Variants in NSG2 observed in about 807,000 individuals in gnomAD.
NSG2 encodes neuronal vesicle trafficking-associated protein 2.
NSG2 carries 4 observed loss-of-function variants against 16.9 expected under a neutral mutation model. That is an observed-to-expected ratio of 0.24 (90% CI 0.12 to 0.54). The LOEUF is 0.54. Ranked by LOEUF, NSG2 falls within the 20% of genes least tolerant of loss-of-function variation. The probability of loss-of-function intolerance (pLI) is 0.95; values close to 1 mark genes in which losing one functional copy is unlikely to be tolerated. For missense variants in NSG2, 179 were observed against 221.1 expected, an observed-to-expected ratio of 0.81 and a Z score of 1.21; for synonymous variants, 98 against 88.7, an observed-to-expected ratio of 1.11 and a Z score of -0.59.
At chr5:174,049,809 A>G (rs1359262456) in intron 2 of NSG2, among the ~76,000 whole-genome samples, 5 of 152,190 alleles carry the variant, frequency 3.3e-5, no homozygotes, top group African/African-American at 1.2e-4. Flanking sequence ...GCTAATATTT[A>G]GATTTTAGAA....
At chr5:174,066,524 T>G (rs1015442106) in intron 3 of NSG2, among the ~76,000 whole-genome samples, 5 of 152,248 alleles carry the variant, frequency 3.3e-5, no homozygotes, top group African/African-American at 1.2e-4. Context: ...CTTTACAGTT[T>G]CTTAAGAATT....
intron 3 of NSG2, among the ~76,000 whole-genome samples, chr5:174,103,054 G>A (rs1329368554): frequency 6.6e-6 from 1 of 150,524 alleles, no homozygotes; most frequent in African/African-American, 2.5e-5. Context: ...CTCCCAAAGT[G>A]CTGAGATTAC....
chr5:174,047,530 T>G (rs542246997), intron 2 of NSG2, among the ~76,000 whole-genome samples: 1 of 152,216 alleles, frequency 6.6e-6, no homozygotes, highest in East Asian at 1.9e-4. Flanking sequence ...TAAAGGTGAG[T>G]AAAAACCCTT....
intron 1 of NSG2, chr5:174,046,238 CAG>C (rs1409508877): frequency 2.0e-5 from 3 of 152,652 alleles, no homozygotes; most frequent in African/African-American, 4.9e-5. Flanking sequence ...TATGATGTAA[CAG>C]GGTACACATT....
intron 2 of NSG2, 65 bp from the exon 3 acceptor site, chr5:174,064,167 G>GA (rs910140258): frequency 9.3e-5 from 109 of 1,175,064 alleles, no homozygotes; most frequent in Non-Finnish European, 1.0e-4. Context: ...TCTGGTTACT[G>GA]AAAAAAAAGA....
chr5:174,062,500 A>ACCCC (rs1032296454), intron 2 of NSG2: 1 of 151,788 alleles, frequency 6.6e-6, no homozygotes, highest in Non-Finnish European at 1.5e-5. Context: ...TTCTGCCCCC[A>ACCCC]CCCCCTGTAA....
At chr5:174,076,010 T>A (rs1001359566) in intron 3 of NSG2, among the ~76,000 whole-genome samples, 2 of 152,252 alleles carry the variant, frequency 1.3e-5, no homozygotes, top group African/African-American at 2.4e-5. Context: ...ATTCTAATTC[T>A]TGACAACCTG....
At chr5:174,081,636 C>G (rs554546474) in intron 3 of NSG2, 35 of 151,828 alleles carry the variant, frequency 2.3e-4, no homozygotes, top group African/African-American at 8.0e-4. Context: ...AAAGAATGTA[C>G]GAGCATTTTT....
chr5:174,049,495 T>C (rs1037851753), intron 2 of NSG2, among the ~76,000 whole-genome samples: 16 of 152,248 alleles, frequency 1.1e-4, no homozygotes, highest in African/African-American at 3.6e-4. Context: ...TTTTCTTTCT[T>C]CTTCTCAGGA....
rs895262451 is a variant in NSG2 at position 174,072,716 on chromosome 5, G to C, written c.213+8401G>C. Among the ~76,000 whole-genome samples, 1 of 152,246 alleles carries C rather than the reference G, an allele frequency of 6.6e-6. No homozygotes were observed. Among genetic ancestry groups the C allele is most frequent in the Non-Finnish European group, 1.5e-5 (1 of 68,042 alleles). On this transcript the variant is annotated intron_variant, in intron 3 of 4. Coordinates refer to ENST00000303177, the MANE Select transcript of NSG2 (RefSeq NM_015980.5). The surrounding 1 kb of genome is among the most constrained non-coding windows in gnomAD (Gnocchi z 4.0). ...TAAATGAATAAGGCTGGGTGTGGTG[G>C]CTCACACCTGTAATCCTAGCACTTT... is the stretch of plus-strand genomic sequence containing the variant.
At chr5:174,063,796 T>A (rs902975331) in intron 2 of NSG2, among the ~76,000 whole-genome samples, 2 of 152,126 alleles carry the variant, frequency 1.3e-5, no homozygotes, top group Admixed American at 1.3e-4. Flanking sequence ...AAAGTTTAAT[T>A]AGATCAGTTG....
rs1417847744 is a variant in NSG2 at position 174,108,733 on chromosome 5, T to C, written c.*1228T>C. ...CAGGCATTCGCCTGCCTCTCACAAA[T>C]GTTTCAGGGAGGCCAGTTCTGCAGG... On this transcript the variant is annotated 3_prime_UTR_variant, in exon 5 of 5. Transcript: ENST00000303177. 1 of 152,452 alleles carries C rather than the reference T, an allele frequency of 6.6e-6. No individual in the cohort carries two copies. The highest frequency in any genetic ancestry group is 1.5e-5 in the Non-Finnish European group (1 of 68,074). 9.4% of individuals were successfully genotyped at this position (152,452 alleles called of 1,614,324 possible).
intron 2 of NSG2, among the ~76,000 whole-genome samples, chr5:174,047,787 A>T (rs1759822573): frequency 6.6e-6 from 1 of 152,230 alleles, no homozygotes; most frequent in African/African-American, 2.4e-5. Context: ...AAATAGTATC[A>T]TTTCAGGTCC....
At chr5:174,092,645 T>C in intron 3 of NSG2, among the ~76,000 whole-genome samples, 1 of 152,228 alleles carries the variant, frequency 6.6e-6, no homozygotes. Context: ...AAGCATTAAT[T>C]TGTCACTTTA....
At chr5:174,081,753 G>C (rs954285762) in intron 3 of NSG2, 1 of 152,144 alleles carries the variant, frequency 6.6e-6, no homozygotes, top group East Asian at 1.9e-4. Flanking sequence ...AGCCAGATGT[G>C]GTGGTGGGCA....
chr5:174,097,038 T>G (rs1462800675), intron 3 of NSG2, among the ~76,000 whole-genome samples: 3 of 152,192 alleles, frequency 2.0e-5, no homozygotes, highest in African/African-American at 7.2e-5. Context: ...TTCGTATGAT[T>G]GTGACGATAG....
chr5:174,108,256 TCTTTGTC>T lies in NSG2; in HGVS notation c.*752_*758del. On this transcript the variant is annotated 3_prime_UTR_variant, in exon 5 of 5. Transcript: ENST00000303177. Reference sequence around the variant, plus strand: ...CAAACGCTGAGGAGTGGGCAGATTTTCTTTGTCTTTTGCTTGCATTTTCTAGATCCAC... The same window carrying T: ...CAAACGCTGAGGAGTGGGCAGATTTTTTTTGCTTGCATTTTCTAGATCCAC... 9.5e-5 allele frequency: 15 copies of T among 158,538 alleles called. No homozygotes were observed. The highest frequency in any genetic ancestry group is 4.1e-4 in the Admixed American group (7 of 16,920). The allele number at this position is 158,538 out of a possible 1,614,324, so 9.8% of individuals were successfully genotyped here. A position where few individuals can be genotyped will look rare whatever the true frequency, so the allele number is the denominator to read the frequency against.
At chr5:174,105,473 C>T (rs899829955) in intron 4 of NSG2, among the ~76,000 whole-genome samples, 1 of 152,182 alleles carries the variant, frequency 6.6e-6, no homozygotes, top group African/African-American at 2.4e-5. Context: ...GATGTATTTG[C>T]CTTATCCTAC....
chr5:174,089,899 G>A (rs1760695346), intron 3 of NSG2, among the ~76,000 whole-genome samples: 1 of 152,146 alleles, frequency 6.6e-6, no homozygotes, highest in Admixed American at 6.5e-5. Flanking sequence ...GGGATTATAG[G>A]CATGAGCCAC....
Sources: allele counts gnomAD v4.1 joint callset (sites outside exome capture counted in the v4.1 genomes callset), GRCh38; gene constraint gnomAD v4.1.1; non-coding constraint Gnocchi (gnomAD v3.1); transcripts MANE v1.5; gene names NCBI Gene and HGNC (gene_info 2026-07-23, HGNC 2026-07-21).